FGD5: variants seen among roughly 807,000 people sequenced by gnomAD.
FGD5 encodes the protein FYVE, RhoGEF and PH domain-containing protein 5.
Under a neutral mutation model 133.4 loss-of-function variants are expected in FGD5, and 28 were observed. The ratio of observed to expected loss-of-function variants is 0.21; its 90% confidence interval spans 0.16 to 0.29. The LOEUF is 0.29. Among genes scored for constraint, FGD5 ranks in the 10% least tolerant of loss-of-function variants. The pLI is 1.00. For missense variants in FGD5, 1,858 were observed against 1,895.2 expected (o/e 0.98, Z 0.36); for synonymous variants, 810 against 776.5 (o/e 1.04, Z -0.72).
chr3:14,872,602 C>G (rs551671949), intron 2 of FGD5, among the ~76,000 whole-genome samples: 1 of 152,218 alleles, frequency 6.6e-6, no homozygotes, highest in Non-Finnish European at 1.5e-5. Context: ...AGGCAGTGTG[C>G]ACGTGTGATA....
chr3:14,919,038 A>G (rs928913633), intron 13 of FGD5, among the ~76,000 whole-genome samples: 2 of 152,188 alleles, frequency 1.3e-5, no homozygotes, highest in South Asian at 2.1e-4. Flanking sequence ...CAAAAAATGT[A>G]CACACTCATA....
intron 1 of FGD5, among the ~76,000 whole-genome samples, chr3:14,841,626 T>A (rs2036923403): frequency 6.6e-6 from 1 of 150,928 alleles, no homozygotes; most frequent in Admixed American, 6.6e-5. Context: ...CTATAGGGCA[T>A]GGGTGTCACT....
At chr3:14,903,776 C>T (rs866113202) in intron 9 of FGD5, among the ~76,000 whole-genome samples, 3 of 152,070 alleles carry the variant, frequency 2.0e-5, no homozygotes, top group South Asian at 4.1e-4. Flanking sequence ...GATTATTAAC[C>T]GAAGACCCTA....
chr3:14,818,138 G>A (rs2036406281), upstream of FGD5, among the ~76,000 whole-genome samples: 1 of 152,168 alleles, frequency 6.6e-6, no homozygotes, highest in Non-Finnish European at 1.5e-5. Context: ...ATTCTGCCAT[G>A]GTCAGAAGGT....
intron 1 of FGD5, among the ~76,000 whole-genome samples, chr3:14,849,092 C>T (rs1157132562): frequency 1.3e-5 from 2 of 152,202 alleles, no homozygotes; most frequent in Admixed American, 6.5e-5. Context: ...TGCACTATCA[C>T]GTGTCTGGGT....
chr3:14,875,865 G>A (rs1413719817), intron 2 of FGD5, among the ~76,000 whole-genome samples: 2 of 151,850 alleles, frequency 1.3e-5, no homozygotes, highest in Non-Finnish European at 2.9e-5. Context: ...TCAGATTGGA[G>A]TGCCCAGTGA....
At chr3:14,841,290 A>G (rs1038133738) in intron 1 of FGD5, among the ~76,000 whole-genome samples, 3 of 152,204 alleles carry the variant, frequency 2.0e-5, no homozygotes, top group Non-Finnish European at 4.4e-5. Flanking sequence ...TGTGAAGATG[A>G]TTAAGACAAG....
In FGD5 at chr3:14,907,660, C is replaced by A; in HGVS notation, c.3285C>A (p.Val1095=). The A allele has an allele frequency of 6.2e-7, 1 of 1,613,680 alleles. No homozygotes were observed. Among genetic ancestry groups the A allele is most frequent in the Non-Finnish European group, 8.5e-7 (1 of 1,179,708 alleles). The stretch of plus-strand genomic sequence containing the variant: ...CACAGGAAAACCTGCAGAAGCTGGT[C>A]CACATTGAGCACAGCGTCCGGGGCC... ...MEQGENLQKL[V]HIEHSVRGQG... is the part of the protein sequence containing the mutation. The change falls in exon 10 of 20, where the codon GTC becomes GTA. Residue 1095 remains valine (V), a synonymous_variant. Transcript: ENST00000285046.
In FGD5 at chr3:14,820,268, C is replaced by T; in HGVS notation, c.1197C>T (p.Ser399=). Residue 399 remains serine, a synonymous_variant, in exon 1 of 20, where the codon TCC becomes TCT. Transcript: ENST00000285046. ...GGGCTTTGTGTGGCCAGTGTGGCTC[C>T]CTACAGGGTGGAGCGGCCGAGGGTC... is the stretch of plus-strand genomic sequence containing the variant. The part of the protein sequence containing the change: ...MVGALCGQCG[S]LQGGAAEGPA... The T allele has an allele frequency of 1.9e-6, 3 of 1,604,066 alleles. No homozygotes were observed. Among genetic ancestry groups the T allele is most frequent in the Non-Finnish European group, 1.7e-6 (2 of 1,174,626 alleles).
intron 1 of FGD5, among the ~76,000 whole-genome samples, chr3:14,821,810 A>G (rs933297875): frequency 6.6e-6 from 1 of 152,152 alleles, no homozygotes; most frequent in Non-Finnish European, 1.5e-5. Flanking sequence ...GTTTAAGAAA[A>G]TCAGAGTAAG....
rs370549261 is a variant in FGD5 at position 14,907,721 on chromosome 3, G to A, written c.3336+10G>A. ...CCTCCAGCCAGGAAGGGTGAGTGCC[G>A]CCACCATGGGTAGGGGCAGAGGGTG... On this transcript the variant is annotated intron_variant, in intron 10 of 19. Transcript: ENST00000285046. The A allele has an allele frequency of 1.1e-5, 17 of 1,612,306 alleles. No homozygotes were observed. The highest frequency in any genetic ancestry group is 1.7e-4 in the Middle Eastern group (1 of 6,056).
intron 4 of FGD5, among the ~76,000 whole-genome samples, chr3:14,894,054 G>T (rs143017334): frequency 2.0e-5 from 3 of 152,078 alleles, no homozygotes; most frequent in East Asian, 1.9e-4. Context: ...CACTGTGGCC[G>T]GCCTTGTTTC....
chr3:14,878,982 C>T (rs778688190), intron 2 of FGD5, among the ~76,000 whole-genome samples: 18 of 152,210 alleles, frequency 1.2e-4, no homozygotes, highest in Non-Finnish European at 2.2e-4. Flanking sequence ...GCTGGGATTA[C>T]AGGCGTGAGC....
In FGD5 at chr3:14,932,742, A is replaced by G; in HGVS notation, c.4352+11A>G. ...CAATTCAGCTCAGAGGTACGAAAAG[A>G]ACTAATTAGTCTTATAGCTTTTTGT... On this transcript the variant is annotated intron_variant, in intron 19 of 19. Transcript: ENST00000285046. 1.2e-6 allele frequency: 2 copies of G among 1,610,064 alleles called. No homozygotes were observed. Among genetic ancestry groups the G allele is most frequent in the Non-Finnish European group, 8.5e-7 (1 of 1,178,816 alleles).
chr3:14,916,252 C>T (rs979959255), intron 11 of FGD5, among the ~76,000 whole-genome samples: 3 of 152,280 alleles, frequency 2.0e-5, no homozygotes, highest in East Asian at 3.9e-4. Flanking sequence ...GAGGAAAGGG[C>T]TTGGTCATAG....
chr3:14,841,814 T>C (rs566858088), intron 1 of FGD5, among the ~76,000 whole-genome samples: 2 of 152,212 alleles, frequency 1.3e-5, no homozygotes, highest in East Asian at 3.9e-4. Flanking sequence ...TTCCACTCAC[T>C]CCCTCAAGAG....
At chr3:14,926,509 C>T (rs1317054221) in intron 18 of FGD5, among the ~76,000 whole-genome samples, 3 of 152,240 alleles carry the variant, frequency 2.0e-5, no homozygotes, top group Non-Finnish European at 4.4e-5. Context: ...AACAAGCCAG[C>T]CATGCCACAA....
rs2036476247 is a variant in FGD5, at chr3:14,820,711, A to G, written c.1640A>G (p.Tyr547Cys). 3.1e-6 allele frequency: 5 copies of G among 1,596,368 alleles called. No homozygotes were observed. The highest frequency in any genetic ancestry group is 1.4e-5 in the African/African-American group (1 of 73,806). The change falls in exon 1 of 20, where the codon TAC becomes TGC. Residue 547 changes from tyrosine (Y) to cysteine (C), a missense_variant. Physicochemically the swap from Tyr to Cys is radical, Grantham distance 194 (BLOSUM62 -2). Transcript: ENST00000285046. Reference sequence around the variant, plus strand: ...GCAAAGCCCAGGGCCTTTACTTTATACCCTCGGTCGTTCTCCGTGGAAGGC... The same window carrying G: ...GCAAAGCCCAGGGCCTTTACTTTATGCCCTCGGTCGTTCTCCGTGGAAGGC... ...LPAKPRAFTL[Y>C]PRSFSVEGRE...
At chr3:14,823,128 G>C (rs1320913403) in intron 1 of FGD5, among the ~76,000 whole-genome samples, 1 of 152,204 alleles carries the variant, frequency 6.6e-6, no homozygotes, top group African/African-American at 2.4e-5. Context: ...GGGGTAGAGA[G>C]GCAGAGTCAG....
Sources: gnomAD v4.1 joint callset for allele counts (sites outside exome capture counted in the v4.1 genomes callset) on GRCh38, gnomAD v4.1.1 for gene constraint, MANE v1.5 for transcripts, NCBI Gene and HGNC (gene_info 2026-07-23, HGNC 2026-07-21) for gene names.